The following ATF2 variants were observed in gnomAD, a reference collection of about 807,000 sequenced individuals.
The protein encoded by ATF2 is cyclic AMP-dependent transcription factor ATF-2.
ATF2 carries 24 observed loss-of-function variants against 60.6 expected under a neutral mutation model. The ratio of observed to expected loss-of-function variants is 0.40; its 90% confidence interval spans 0.29 to 0.56. ATF2 has a LOEUF of 0.56. Among genes scored for constraint, ATF2 ranks in the 20% least tolerant of loss-of-function variants. ATF2 has a pLI of 0.54. For synonymous variants in ATF2, 206 were observed against 215.4 expected (o/e 0.96, Z 0.38); for missense variants, 433 against 607.7 (o/e 0.71, Z 3.02).
chr2:175,096,034 A>G (rs1694910735), intron 11 of ATF2, among the ~76,000 whole-genome samples: 1 of 152,184 alleles, frequency 6.6e-6, no homozygotes, highest in Non-Finnish European at 1.5e-5. Flanking sequence ...ATTTCATTAT[A>G]TATTAAGTTT....
At position 175,075,435 on chromosome 2, in the gene ATF2, A is replaced by C. The variant is rs116253629; in HGVS notation, c.1292-600T>G. ...GCCACCAGCTGTTATAGTTGCATGA[A>C]TAAATTGGGATTCAAGTAAAAATCC... On this transcript the variant is annotated intron_variant, in intron 13 of 13. Transcript: ENST00000264110. 5.4e-3 allele frequency among the ~76,000 whole-genome samples: 818 copies of C among 152,284 alleles called. 7 individuals are homozygous for C. Among genetic ancestry groups the C allele is most frequent in the African/African-American group, 0.018 (755 of 41,560 alleles).
intron 2 of ATF2, among the ~76,000 whole-genome samples, chr2:175,138,492 A>G (rs370083605): frequency 1.3e-5 from 2 of 152,216 alleles, no homozygotes; most frequent in South Asian, 4.1e-4. Flanking sequence ...TCAACCTTTT[A>G]GGTATACTTT....
intron 7 of ATF2, among the ~76,000 whole-genome samples, chr2:175,115,861 T>C (rs1341859190): frequency 6.6e-6 from 1 of 152,080 alleles, no homozygotes; most frequent in African/African-American, 2.4e-5. Flanking sequence ...GAAGAGTCAG[T>C]TAATTTAGAC....
chr2:175,124,539 CAT>C (rs1697189328), intron 4 of ATF2, among the ~76,000 whole-genome samples: 1 of 151,872 alleles, frequency 6.6e-6, no homozygotes, highest in African/African-American at 2.4e-5. Flanking sequence ...TCCTTTTAAA[CAT>C]ATTAGATAGA....
intron 1 of ATF2, among the ~76,000 whole-genome samples, chr2:175,151,744 T>G (rs1002856907): frequency 6.6e-6 from 1 of 152,180 alleles, no homozygotes; most frequent in Non-Finnish European, 1.5e-5. Context: ...AGAAGTTTAT[T>G]TCTTTCACAA....
chr2:175,134,463 C>T (rs889896144), intron 3 of ATF2, among the ~76,000 whole-genome samples: 2 of 148,448 alleles, frequency 1.3e-5, no homozygotes, highest in Admixed American at 1.4e-4. Context: ...GCCTGGCATA[C>T]AGCAAACCAG....
chr2:175,084,984 G>C (rs1016992797), intron 12 of ATF2, among the ~76,000 whole-genome samples: 2 of 152,062 alleles, frequency 1.3e-5, no homozygotes, highest in African/African-American at 4.8e-5. Flanking sequence ...TAAATAATAT[G>C]AATCTGGTCA....
intron 9 of ATF2, among the ~76,000 whole-genome samples, chr2:175,113,696 T>C (rs1696361261): frequency 6.6e-6 from 1 of 152,008 alleles, no homozygotes; most frequent in South Asian, 2.1e-4. Flanking sequence ...CTAGTACAAA[T>C]ATCTTTCTAA....
intron 13 of ATF2, among the ~76,000 whole-genome samples, chr2:175,075,870 C>G (rs1227027756): frequency 6.6e-6 from 1 of 152,136 alleles, no homozygotes; most frequent in South Asian, 2.1e-4. Context: ...TATTTTGAAA[C>G]ATTTTAAAAA....
intron 10 of ATF2, among the ~76,000 whole-genome samples, chr2:175,105,491 GATC>G (rs1439566281): frequency 6.6e-6 from 1 of 152,080 alleles, no homozygotes; most frequent in Non-Finnish European, 1.5e-5. Flanking sequence ...CAAAATTTAA[GATC>G]ATGTCTATTG....
chr2:175,161,007 CA>C (rs1430571249), intron 1 of ATF2, among the ~76,000 whole-genome samples: 1 of 152,136 alleles, frequency 6.6e-6, no homozygotes, highest in East Asian at 1.9e-4. Context: ...CACTGCACTC[CA>C]ACCTGCATGA....
chr2:175,078,775 C>T (rs1693554077), intron 13 of ATF2, among the ~76,000 whole-genome samples: 1 of 152,154 alleles, frequency 6.6e-6, no homozygotes, highest in African/African-American at 2.4e-5. Context: ...AAGGTATTCA[C>T]TTAGTCAATT....
chr2:175,167,695 TGA>T (rs759817467), intron 1 of ATF2: 7 of 501,832 alleles, frequency 1.4e-5, no homozygotes, highest in Non-Finnish European at 4.1e-6. Flanking sequence ...CGAGGACCTC[TGA>T]ACTGACCCAA....
At chr2:175,138,127 T>A (rs963447501) in intron 2 of ATF2, among the ~76,000 whole-genome samples, 1 of 152,198 alleles carries the variant, frequency 6.6e-6, no homozygotes, top group African/African-American at 2.4e-5. Context: ...CAATCTATAC[T>A]GGTAGGAAAA....
At chr2:175,105,778 T>C (rs1695612664) in intron 10 of ATF2, among the ~76,000 whole-genome samples, 1 of 152,102 alleles carries the variant, frequency 6.6e-6, no homozygotes, top group African/African-American at 2.4e-5. Flanking sequence ...AAATCAAATA[T>C]ACCAAAGATG....
intron 10 of ATF2, among the ~76,000 whole-genome samples, chr2:175,101,747 T>C (rs918223737): frequency 1.3e-5 from 2 of 152,180 alleles, no homozygotes; most frequent in Non-Finnish European, 2.9e-5. Context: ...TTGACTGCCC[T>C]AGGGTATACA....
At chr2:175,157,383 A>T (rs1003489489) in intron 1 of ATF2, among the ~76,000 whole-genome samples, 1 of 152,186 alleles carries the variant, frequency 6.6e-6, no homozygotes, top group South Asian at 2.1e-4. Flanking sequence ...AGAGCTCACA[A>T]TGACCAATCA....
chr2:175,108,373 G>A (rs948624179), intron 10 of ATF2, among the ~76,000 whole-genome samples: 1 of 150,772 alleles, frequency 6.6e-6, no homozygotes, highest in Non-Finnish European at 1.5e-5. Context: ...GGAGGTGGGG[G>A]GTCAGCGTCC....
At chr2:175,158,975 CTTT>C (rs1699851967) in intron 1 of ATF2, among the ~76,000 whole-genome samples, 1 of 152,130 alleles carries the variant, frequency 6.6e-6, no homozygotes. Flanking sequence ...TTACTATCTT[CTTT>C]ATTTTTAAGG....
Sources: gnomAD v4.1 joint callset for allele counts (sites outside exome capture counted in the v4.1 genomes callset) on GRCh38, gnomAD v4.1.1 for gene constraint, MANE v1.5 for transcripts, NCBI Gene and HGNC (gene_info 2026-07-23, HGNC 2026-07-21) for gene names.